POU2F1: variants seen among roughly 807,000 people sequenced by gnomAD.
POU2F1 encodes the protein POU class 2 homeobox 1.
In POU2F1, 16 loss-of-function variants were observed where a neutral mutation model predicts 84.9. The observed-to-expected ratio is 0.19, with a 90% confidence interval of 0.13 to 0.29. POU2F1 has a LOEUF of 0.29. Among genes scored for constraint, POU2F1 ranks in the 10% least tolerant of loss-of-function variants. POU2F1 has a pLI of 1.00. For synonymous variants in POU2F1, 368 were observed against 368.3 expected, an observed-to-expected ratio of 1.00 and a Z score of 0.01; for missense variants, 738 against 942.6, an observed-to-expected ratio of 0.78 and a Z score of 2.84.
chr1:167,312,420 A>G (rs1655561969), intron 1 of POU2F1, among the ~76,000 whole-genome samples: 1 of 151,716 alleles, frequency 6.6e-6, no homozygotes, highest in Non-Finnish European at 1.5e-5. Context: ...ATGAGGTTTC[A>G]TCTCGTTTGT....
intron 1 of POU2F1, among the ~76,000 whole-genome samples, chr1:167,324,357 A>G (rs554862420): frequency 1.3e-4 from 19 of 150,250 alleles, no homozygotes; most frequent in South Asian, 2.1e-4. Context: ...TTGAGTTTTT[A>G]GTATTTAGTC....
intron 1 of POU2F1, among the ~76,000 whole-genome samples, chr1:167,282,474 T>A (rs188769579): frequency 1.3e-5 from 2 of 152,324 alleles, no homozygotes; most frequent in African/African-American, 4.8e-5. Flanking sequence ...TACATCCCTC[T>A]TGCTTAAAAC....
At chr1:167,364,223 T>C (rs1415105793) in intron 2 of POU2F1, among the ~76,000 whole-genome samples, 2 of 152,208 alleles carry the variant, frequency 1.3e-5, no homozygotes, top group African/African-American at 4.8e-5. Context: ...CCTATTCTAA[T>C]ATCAGATCAC....
At chr1:167,409,636 A>G (rs1401691227) in intron 13 of POU2F1, among the ~76,000 whole-genome samples, 2 of 152,238 alleles carry the variant, frequency 1.3e-5, no homozygotes, top group African/African-American at 2.4e-5. Flanking sequence ...TTCTGGAGTC[A>G]TCATCTTCTG....
chr1:167,284,631 C>T (rs528153598), intron 1 of POU2F1, among the ~76,000 whole-genome samples: 2 of 152,146 alleles, frequency 1.3e-5, no homozygotes, highest in African/African-American at 2.4e-5. Context: ...TGATTTGATA[C>T]ATTTTAATAT....
chr1:167,358,716 CTTTTT>C lies in POU2F1; in HGVS notation c.128-6734_128-6730del, dbSNP rs1197814755. On this transcript the variant is annotated intron_variant, in intron 2 of 15. Transcript: ENST00000367866. ...TTCTTAATCTTTTTATTATCTGCAG[CTTTTT>C]TTTTTTTTTTTTTTTTGAGACAGGT... Among the ~76,000 whole-genome samples the C allele has an allele frequency of 7.6e-4, 29 of 38,356 alleles. 1 individual carries two copies. The highest frequency in any genetic ancestry group is 0.01 in the Middle Eastern group (1 of 96). 25.2% of individuals were successfully genotyped at this position (38,356 alleles called of 152,430 possible).
intron 3 of POU2F1, among the ~76,000 whole-genome samples, chr1:167,367,814 G>T (rs1330368073): frequency 1.3e-5 from 2 of 150,540 alleles, no homozygotes; most frequent in Non-Finnish European, 3.0e-5. Flanking sequence ...TTTGAAATGA[G>T]GTCTTATTAT....
chr1:167,269,913 CAA>C (rs34112150), intron 1 of POU2F1, among the ~76,000 whole-genome samples: 7 of 129,904 alleles, frequency 5.4e-5, no homozygotes, highest in East Asian at 2.2e-4. Context: ...GTCTCTGTCT[CAA>C]AAAAAAAAAA....
intron 10 of POU2F1, among the ~76,000 whole-genome samples, chr1:167,397,548 G>A (rs958606453): frequency 6.6e-6 from 1 of 152,118 alleles, no homozygotes; most frequent in Non-Finnish European, 1.5e-5. Context: ...TTGGGGGGAT[G>A]GGTGGTGGGT....
intron 1 of POU2F1, among the ~76,000 whole-genome samples, chr1:167,295,689 T>C (rs1654245990): frequency 6.6e-6 from 1 of 152,252 alleles, no homozygotes; most frequent in Non-Finnish European, 1.5e-5. Flanking sequence ...TGTGGAGCCA[T>C]GAACATGATT....
intron 7 of POU2F1, among the ~76,000 whole-genome samples, chr1:167,378,013 G>C (rs528752560): frequency 6.6e-6 from 1 of 152,194 alleles, no homozygotes; most frequent in East Asian, 1.9e-4. Flanking sequence ...ATTAACATAC[G>C]CATGGGTATG....
At chr1:167,317,111 T>C (rs566692123) in intron 1 of POU2F1, among the ~76,000 whole-genome samples, 1 of 152,304 alleles carries the variant, frequency 6.6e-6, no homozygotes, top group Admixed American at 6.5e-5. Flanking sequence ...CAGGCTGGTC[T>C]TGAACTACTG....
intron 13 of POU2F1, among the ~76,000 whole-genome samples, chr1:167,404,329 G>A (rs1209120638): frequency 6.6e-6 from 1 of 152,046 alleles, no homozygotes; most frequent in Non-Finnish European, 1.5e-5. Context: ...TAGCCTGTAA[G>A]GGTTTTTCCT....
intron 10 of POU2F1, among the ~76,000 whole-genome samples, chr1:167,397,460 G>A (rs1220621744): frequency 1.3e-5 from 2 of 152,134 alleles, no homozygotes; most frequent in African/African-American, 4.8e-5. Flanking sequence ...AAACATAGTG[G>A]TAATATTGTC....
intron 1 of POU2F1, chr1:167,241,354 A>G (rs1649888846): frequency 6.6e-6 from 1 of 152,170 alleles, no homozygotes; most frequent in Non-Finnish European, 1.5e-5. Context: ...TGAAATAACT[A>G]AATATTTCGT....
chr1:167,337,622 C>T (rs1000764591), intron 2 of POU2F1, among the ~76,000 whole-genome samples: 4 of 151,646 alleles, frequency 2.6e-5, no homozygotes, highest in East Asian at 3.9e-4. Flanking sequence ...CAGTGAAGGC[C>T]GTCTGTGGTG....
intron 1 of POU2F1, among the ~76,000 whole-genome samples, chr1:167,287,448 C>G (rs1653612343): frequency 6.6e-6 from 1 of 151,934 alleles, no homozygotes; most frequent in Non-Finnish European, 1.5e-5. Context: ...ATGACAGAAC[C>G]TAGGAAAAAA....
intron 15 of POU2F1, among the ~76,000 whole-genome samples, chr1:167,413,543 A>T (rs1445334135): frequency 6.6e-6 from 1 of 152,180 alleles, no homozygotes; most frequent in African/African-American, 2.4e-5. Flanking sequence ...TGTGCATGGG[A>T]AAGTCCTGTA....
rs554898719 is a variant in POU2F1, at chr1:167,411,947, TTGTC to T, written c.1556-10_1556-7del. ...TACAAAAGGTCATCTTCTAATCTGT[TTGTC>T]TTTTCAGGCACTTCAGACACCACCT... On this transcript the variant is annotated splice_polypyrimidine_tract_variant and splice_region_variant and intron_variant, in intron 13 of 15. Transcript: ENST00000367866. 5.9e-4 allele frequency: 949 copies of T among 1,602,702 alleles called. 5 individuals are homozygous for T. The African/African-American group carries it at 0.011, about 18-fold the overall frequency.
Sources: gnomAD v4.1 joint callset for allele counts (sites outside exome capture counted in the v4.1 genomes callset) on GRCh38, gnomAD v4.1.1 for gene constraint, MANE v1.5 for transcripts, NCBI Gene and HGNC (gene_info 2026-07-23, HGNC 2026-07-21) for gene names.